Variants in ZNF423 observed in about 807,000 individuals in gnomAD.
The protein encoded by ZNF423 is Ebf-associated zinc finger protein.
In ZNF423, 12 loss-of-function variants were observed where a neutral mutation model predicts 95.8. That is an observed-to-expected ratio of 0.13 (90% confidence interval 0.08 to 0.20). ZNF423 has a LOEUF of 0.20. ZNF423 is among the 10% of genes least tolerant of loss of function. The pLI, the probability that ZNF423 is intolerant of heterozygous loss-of-function variation, is 1.00. For synonymous variants in ZNF423, 749 were observed against 711.9 expected (o/e 1.05, Z -0.83); for missense variants, 1,316 against 1,737.1 (o/e 0.76, Z 4.31).
rs117285021 is a variant in ZNF423, at chr16:49,641,734, G to C, written c.302-2860C>G. ...TCTGAAAAAAGGGAATCACTGGGAG[G>C]AGTGGATGAGAAAAACTAATGGGAG... On this transcript the variant is annotated intron_variant, in intron 3 of 7. Coordinates refer to ENST00000563137, the MANE Select transcript of ZNF423 (RefSeq NM_001379286.1). Among the ~76,000 whole-genome samples, 59 of 152,320 alleles carry C rather than the reference G, an allele frequency of 3.9e-4. No homozygotes were observed. In the East Asian group the frequency reaches 0.011, roughly 28 times the overall value.
At chr16:49,766,672 G>T (rs1218413720) in intron 2 of ZNF423, among the ~76,000 whole-genome samples, 1 of 152,240 alleles carries the variant, frequency 6.6e-6, no homozygotes, top group Non-Finnish European at 1.5e-5. Flanking sequence ...CTCTAACTGA[G>T]GCCCAGTCTG....
chr16:49,534,483 C>T (rs1968986052), intron 5 of ZNF423, among the ~76,000 whole-genome samples: 1 of 152,278 alleles, frequency 6.6e-6, no homozygotes, highest in Non-Finnish European at 1.5e-5. Context: ...GAACTCCTGA[C>T]CTCAGGTGAT....
At chr16:49,725,474 A>G (rs918817858) in intron 3 of ZNF423, among the ~76,000 whole-genome samples, 1 of 152,232 alleles carries the variant, frequency 6.6e-6, no homozygotes, top group Non-Finnish European at 1.5e-5. Flanking sequence ...TGATTCATTC[A>G]TTCAACAAAC....
chr16:49,615,990 C>G (rs1390202182), intron 5 of ZNF423, among the ~76,000 whole-genome samples: 2 of 152,308 alleles, frequency 1.3e-5, no homozygotes, highest in Admixed American at 6.5e-5. Flanking sequence ...AGGACCCGCC[C>G]TTCTCTTCTG....
chr16:49,738,854 C>T (rs893891358), intron 2 of ZNF423, among the ~76,000 whole-genome samples: 2 of 152,006 alleles, frequency 1.3e-5, no homozygotes, highest in Admixed American at 6.6e-5. Flanking sequence ...AACCACCAGG[C>T]GCCACATTCT....
chr16:49,696,875 A>C (rs1040748391), intron 3 of ZNF423, among the ~76,000 whole-genome samples: 14 of 152,196 alleles, frequency 9.2e-5, no homozygotes, highest in Non-Finnish European at 2.1e-4. Flanking sequence ...TCCAGGCCCC[A>C]AAACAGCTGC....
intron 3 of ZNF423, among the ~76,000 whole-genome samples, chr16:49,659,487 G>A (rs1469637793): frequency 1.3e-5 from 2 of 152,248 alleles, no homozygotes; most frequent in Admixed American, 1.3e-4. Flanking sequence ...GGATACTGAG[G>A]CCCTTGAGGT....
rs143009909 is a variant in ZNF423 at position 49,601,841 on chromosome 16, C to T, written c.3601+24329G>A. On this transcript the variant is annotated intron_variant, in intron 5 of 7. Coordinates refer to ENST00000563137, the MANE Select transcript of ZNF423 (RefSeq NM_001379286.1). The stretch of plus-strand genomic sequence containing the variant: ...TTCCTAGAGGAAGCAGGAGCCAGGG[C>T]GGAGGAAACAGATGGGCAGCCTCAG... Among the ~76,000 whole-genome samples the T allele has an allele frequency of 3.3e-3, 496 of 152,348 alleles. 3 individuals carry two copies. Among genetic ancestry groups the T allele is most frequent in the Middle Eastern group, 3.4e-3 (1 of 294 alleles).
chr16:49,851,476 T>G (rs902666277), intron 1 of ZNF423, among the ~76,000 whole-genome samples: 2 of 152,260 alleles, frequency 1.3e-5, no homozygotes, highest in Non-Finnish European at 2.9e-5. Context: ...ATAGCAATTA[T>G]TGCAACTTTC....
At chr16:49,781,736 G>C (rs1197178166) in intron 2 of ZNF423, among the ~76,000 whole-genome samples, 3 of 152,208 alleles carry the variant, frequency 2.0e-5, no homozygotes, top group Non-Finnish European at 2.9e-5. Flanking sequence ...AAGGACTGCA[G>C]GGGATGAGGC....
chr16:49,699,634 T>C (rs1284793789), intron 3 of ZNF423, among the ~76,000 whole-genome samples: 1 of 152,236 alleles, frequency 6.6e-6, no homozygotes, highest in Non-Finnish European at 1.5e-5. Flanking sequence ...GTATCTTCAT[T>C]GTTTACTTTG....
At chr16:49,795,193 C>A (rs1438097057) in intron 1 of ZNF423, among the ~76,000 whole-genome samples, 1 of 152,170 alleles carries the variant, frequency 6.6e-6, no homozygotes, top group Non-Finnish European at 1.5e-5. Flanking sequence ...TCAATAAGCA[C>A]ACAGGATGTG....
At chr16:49,848,513 CTG>C (rs144703923) in intron 1 of ZNF423, among the ~76,000 whole-genome samples, 12,148 of 152,228 alleles carry the variant, frequency 0.08, 511 homozygotes, top group Middle Eastern at 0.15. Flanking sequence ...ACCCAGGCCT[CTG>C]TCTCTCTCCC....
intron 3 of ZNF423, among the ~76,000 whole-genome samples, chr16:49,727,923 C>A (rs532432585): frequency 1.3e-5 from 2 of 152,218 alleles, no homozygotes; most frequent in Non-Finnish European, 2.9e-5. Context: ...CCAGGGGGAG[C>A]CTGCGATTGC....
chr16:49,505,722 G>T (rs959129419), intron 7 of ZNF423, among the ~76,000 whole-genome samples: 1 of 152,240 alleles, frequency 6.6e-6, no homozygotes, highest in South Asian at 2.1e-4. Flanking sequence ...GTCCAACCTG[G>T]CACCCAGCAA....
chr16:49,713,916 T>C (rs1327470892), intron 3 of ZNF423, among the ~76,000 whole-genome samples: 1 of 152,068 alleles, frequency 6.6e-6, no homozygotes, highest in African/African-American at 2.4e-5. Context: ...ATCCCTCCCC[T>C]GTGATCTGGC....
At chr16:49,849,560 G>A (rs996657713) in intron 1 of ZNF423, among the ~76,000 whole-genome samples, 9 of 152,120 alleles carry the variant, frequency 5.9e-5, no homozygotes, top group African/African-American at 1.9e-4. Context: ...TGAAGAATTC[G>A]GAGATAATGA....
chr16:49,694,549 C>T (rs1226427556), intron 3 of ZNF423, among the ~76,000 whole-genome samples: 15 of 152,218 alleles, frequency 9.9e-5, no homozygotes, highest in African/African-American at 1.7e-4. Flanking sequence ...TCATGCCCCC[C>T]GCCCCTGTGC....
Position 49,603,396 on chromosome 16 carries a change from C to T in ZNF423, c.3601+22774G>A, listed in dbSNP as rs1230096952. Among the ~76,000 whole-genome samples the T allele has an allele frequency of 6.6e-6, 1 of 152,062 alleles. No individual in the cohort carries two copies. The highest frequency in any genetic ancestry group is 2.4e-5 in the African/African-American group (1 of 41,362). On this transcript the variant is annotated intron_variant, in intron 5 of 7. Coordinates refer to ENST00000563137, the MANE Select transcript of ZNF423 (RefSeq NM_001379286.1). This position sits in a 1 kb window ranked among gnomAD's most constrained non-coding sequence, Gnocchi z 4.1. ...AAAGCCCAGCATATGGTTTTATACCCTACTGTCACTGTCTAGATTTTTTTT... is the reference window on the plus strand; with the variant it reads ...AAAGCCCAGCATATGGTTTTATACCTTACTGTCACTGTCTAGATTTTTTTT...
Sources: allele counts gnomAD v4.1 joint callset (sites outside exome capture counted in the v4.1 genomes callset), GRCh38; gene constraint gnomAD v4.1.1; non-coding constraint Gnocchi (gnomAD v3.1); transcripts MANE v1.5; gene names NCBI Gene and HGNC (gene_info 2026-07-23, HGNC 2026-07-21).